The following ACACA variants were observed in gnomAD, a reference collection of about 807,000 sequenced individuals.
ACACA encodes acetyl-CoA carboxylase 1.
Under a neutral mutation model 296.1 loss-of-function variants are expected in ACACA, and 103 were observed. The observed-to-expected ratio is 0.35, with a 90% confidence interval of 0.30 to 0.41. The LOEUF is 0.41. ACACA is among the 10% of genes least tolerant of loss of function. The pLI is 1.00. For synonymous variants in ACACA, 953 were observed against 1,038.6 expected (o/e 0.92, Z 1.58); for missense variants, 1,554 against 2,989.7 (o/e 0.52, Z 11.20).
Position 37,243,473 on chromosome 17 carries a change from C to T in ACACA, c.2829G>A (p.Val943=). ...CCACATTGGGGGGAATGCGGCCAGA[C>T]ACACTGGTCATAATATCTTGCAATT... is the stretch of plus-strand genomic sequence containing the variant. ...LLELQDIMTS[V]SGRIPPNVEK... is the part of the protein sequence containing the mutation. Residue 943 remains valine (V), a synonymous_variant, in exon 22 of 56, where the codon GTG becomes GTA. Coordinates refer to ENST00000616317, the MANE Select transcript of ACACA (RefSeq NM_198834.3). The T allele has an allele frequency of 6.2e-7, 1 of 1,614,152 alleles. No individual in the cohort carries two copies. The highest frequency in any genetic ancestry group is 8.5e-7 in the Non-Finnish European group (1 of 1,180,016).
intron 15 of ACACA, 25 bp downstream of exon 15, chr17:37,252,861 C>A: frequency 6.2e-7 from 1 of 1,613,834 alleles, no homozygotes; most frequent in Non-Finnish European, 8.5e-7. Context: ...CCAATCCCAG[C>A]ATCTGTTTGT....
At chr17:37,263,347 C>T (rs1313976462) in intron 11 of ACACA, among the ~76,000 whole-genome samples, 2 of 152,160 alleles carry the variant, frequency 1.3e-5, no homozygotes, top group African/African-American at 4.8e-5. Flanking sequence ...CTTGATGATA[C>T]TCAACCCAGC....
At chr17:37,375,989 C>T in intron 1 of ACACA, 5 of 920,128 alleles carry the variant, frequency 5.4e-6, no homozygotes, top group South Asian at 4.4e-5. Context: ...CAGGGTCAAA[C>T]TTGGTTCCAG....
chr17:37,373,148 GGATTATGGGCGT>G (rs2049866443), intron 1 of ACACA, among the ~76,000 whole-genome samples: 3 of 152,160 alleles, frequency 2.0e-5, no homozygotes, highest in African/African-American at 7.2e-5. Flanking sequence ...CAAAGTGCTG[GGATTATGGGCGT>G]GAGCCACGGT....
intron 1 of ACACA, among the ~76,000 whole-genome samples, chr17:37,371,491 A>G (rs887798195): frequency 1.3e-5 from 2 of 152,120 alleles, no homozygotes; most frequent in Admixed American, 1.3e-4. Flanking sequence ...GCAATGTTCA[A>G]TTTCTTAATT....
At chr17:37,250,594 C>T (rs1322299226) in intron 16 of ACACA, among the ~76,000 whole-genome samples, 1 of 152,040 alleles carries the variant, frequency 6.6e-6, no homozygotes, top group South Asian at 2.1e-4. Context: ...GCAGAGATCA[C>T]GCCACTGCAC....
chr17:37,144,734 C>T (rs959069497), intron 45 of ACACA, among the ~76,000 whole-genome samples: 1 of 152,190 alleles, frequency 6.6e-6, no homozygotes, highest in Non-Finnish European at 1.5e-5. Context: ...TAGTCATACC[C>T]ATCACATAAC....
intron 16 of ACACA, among the ~76,000 whole-genome samples, chr17:37,251,122 A>C (rs926530612): frequency 6.6e-6 from 1 of 152,220 alleles, no homozygotes; most frequent in African/African-American, 2.4e-5. Flanking sequence ...TGCATTTGAC[A>C]TATTTGTACA....
intron 1 of ACACA, among the ~76,000 whole-genome samples, chr17:37,352,878 T>C (rs899076084): frequency 3.3e-5 from 5 of 152,244 alleles, no homozygotes; most frequent in African/African-American, 1.2e-4. Context: ...CAAAAATTCC[T>C]AATTCCTTTG....
chr17:37,124,038 T>C (rs2074655765), intron 48 of ACACA, among the ~76,000 whole-genome samples: 1 of 152,208 alleles, frequency 6.6e-6, no homozygotes, highest in Non-Finnish European at 1.5e-5. Context: ...CATGGAATAA[T>C]AAAAGACAAT....
At chr17:37,119,423 T>C (rs894804851) in intron 50 of ACACA, among the ~76,000 whole-genome samples, 5 of 152,156 alleles carry the variant, frequency 3.3e-5, no homozygotes, top group Admixed American at 3.3e-4. Flanking sequence ...CAATTTCTCA[T>C]GGTATTTCCA....
chr17:37,142,815 T>C (rs921875525), intron 45 of ACACA, among the ~76,000 whole-genome samples: 2 of 152,248 alleles, frequency 1.3e-5, no homozygotes, highest in Non-Finnish European at 2.9e-5. Flanking sequence ...ATACATCTAT[T>C]GGGAAAGTCA....
intron 36 of ACACA, 38 bp from the exon 37 acceptor site, chr17:37,192,343 G>C (rs759793227): frequency 6.3e-7 from 1 of 1,577,862 alleles, no homozygotes; most frequent in Admixed American, 1.7e-5. Context: ...GCTCACAAGA[G>C]GCAGTTACAA....
At chr17:37,229,961 G>A (rs962755110) in intron 25 of ACACA, among the ~76,000 whole-genome samples, 3 of 152,034 alleles carry the variant, frequency 2.0e-5, no homozygotes, top group Non-Finnish European at 4.4e-5. Flanking sequence ...CAGCTACTTG[G>A]GAGGCTGAGG....
intron 43 of ACACA, among the ~76,000 whole-genome samples, chr17:37,152,699 A>G (rs2076092538): frequency 6.6e-6 from 1 of 152,250 alleles, no homozygotes; most frequent in African/African-American, 2.4e-5. Flanking sequence ...AACTAATAAA[A>G]GAAAGGAAAA....
In ACACA at chr17:37,243,492, T is replaced by C; in HGVS notation, c.2810A>G (p.Gln937Arg). 6.2e-7 allele frequency: 1 copy of C among 1,614,166 alleles called. No individual in the cohort carries two copies. Among genetic ancestry groups the C allele is most frequent in the Non-Finnish European group, 8.5e-7 (1 of 1,180,026 alleles). The change falls in exon 22 of 56, where the codon CAA becomes CGA. Residue 937 changes from glutamine (Q) to arginine (R), a missense_variant. Physicochemically the swap from Gln to Arg is conservative, Grantham distance 43 (BLOSUM62 1). This residue lies in a region of ACACA where 316 missense variants were observed against 540.9 expected (regional missense o/e 0.58). Coordinates refer to ENST00000616317, the MANE Select transcript of ACACA (RefSeq NM_198834.3). ...GCCAGACACACTGGTCATAATATCT[T>C]GCAATTCTAGGAGAGGCAGGGAGGG... The part of the protein sequence containing the change: ...RDPSLPLLEL[Q>R]DIMTSVSGRI...
chr17:37,348,338 C>G (rs944828612), intron 1 of ACACA, among the ~76,000 whole-genome samples: 1 of 152,020 alleles, frequency 6.6e-6, no homozygotes, highest in African/African-American at 2.4e-5. Context: ...AAAGGCCCAA[C>G]AAGTGCCTAC....
intron 35 of ACACA, among the ~76,000 whole-genome samples, chr17:37,196,674 A>C (rs748706642): frequency 1.3e-5 from 2 of 152,238 alleles, no homozygotes; most frequent in South Asian, 4.1e-4. Flanking sequence ...CTTTCTGCTA[A>C]ATATTTTGGA....
chr17:37,211,699 G>T (rs759544777), intron 29 of ACACA, among the ~76,000 whole-genome samples: 1 of 152,170 alleles, frequency 6.6e-6, no homozygotes, highest in Non-Finnish European at 1.5e-5. Context: ...AGAAGGAGCA[G>T]AATAGACTGA....
Sources: gnomAD v4.1 joint callset for allele counts (sites outside exome capture counted in the v4.1 genomes callset) on GRCh38, gnomAD v4.1.1 for gene constraint, gnomAD v4.1.1 regional missense constraint, MANE v1.5 for transcripts, NCBI Gene and HGNC (gene_info 2026-07-23, HGNC 2026-07-21) for gene names.